ARMCX2: variants seen among roughly 807,000 people sequenced by gnomAD.
ARMCX2 encodes the protein armadillo repeat containing X-linked 2.
Under a neutral mutation model 17.0 loss-of-function variants are expected in ARMCX2, and 2 were observed. That is an observed-to-expected ratio of 0.12 (90% confidence interval 0.05 to 0.37). ARMCX2 has a LOEUF of 0.37. Among genes scored for constraint, ARMCX2 ranks in the 10% least tolerant of loss-of-function variants. The pLI is 1.00. For missense variants in ARMCX2, 408 were observed against 497.7 expected, an observed-to-expected ratio of 0.82 and a Z score of 1.72; for synonymous variants, 182 against 195.2, an observed-to-expected ratio of 0.93 and a Z score of 0.57.
At position 101,657,092 on chromosome X, in the gene ARMCX2, GC is replaced by G; in HGVS notation, c.496del (p.Ala166LeufsTer28). On this transcript the variant is annotated frameshift_variant, in exon 6 of 6. Coordinates refer to ENST00000356824, the MANE Select transcript of ARMCX2 (RefSeq NM_177949.4). LOFTEE classifies it high-confidence loss of function. ...AMAGAPKVAE[A>X]PREAETSRAA... ...CCTGGAAGTCTCCGCTTCTCTGGGA[GC>G]TTCTGCCACTTTGGGAGCCCCTGCC... 8.4e-7 allele frequency: 1 copy of G among 1,197,024 alleles called. No homozygotes were observed. Among genetic ancestry groups the G allele is most frequent in the Non-Finnish European group, 1.1e-6 (1 of 887,756 alleles).
At position 101,656,216 on chromosome X, in the gene ARMCX2, T is replaced by G; in HGVS notation, c.1373A>C (p.Asn458Thr). 8.3e-7 allele frequency: 1 copy of G among 1,210,110 alleles called. No individual in the cohort carries two copies. Among genetic ancestry groups the G allele is most frequent in the Non-Finnish European group, 1.1e-6 (1 of 894,241 alleles). Residue 458 changes from asparagine (N) to threonine (T), a missense_variant, in exon 6 of 6, where the codon AAT becomes ACT. This residue lies in a region of ARMCX2 where 101 missense variants were observed against 170.9 expected (regional missense o/e 0.59). Transcript: ENST00000356824. ...CTGAAGCCGGCCCTGATTTTCATAA[T>G]TCTCACTCAGGTTATTCATGGCCAT... is the stretch of plus-strand genomic sequence containing the variant. ...ALMAMNNLSE[N>T]YENQGRLQVY... is the part of the protein sequence containing the mutation.
intron 5 of ARMCX2, 70 bp downstream of exon 5, chrX:101,658,003 C>T (rs1936395632): frequency 7.5e-6 from 1 of 133,020 alleles, no homozygotes; most frequent in Non-Finnish European, 1.5e-5. Context: ...CAGTAGAGAT[C>T]TCAGATTCTG....
At position 101,655,593 on chromosome X, in the gene ARMCX2, A is replaced by G. The variant is rs1936217206; in HGVS notation, c.*97T>C. 3.0e-6 allele frequency: 2 copies of G among 670,351 alleles called. No homozygotes were observed. The highest frequency in any genetic ancestry group is 8.0e-5 in the South Asian group (2 of 24,956). 55.2% of individuals were successfully genotyped at this position (670,351 alleles called of 1,213,427 possible). A position where few individuals can be genotyped will look rare whatever the true frequency, so the allele number is the denominator to read the frequency against. On this transcript the variant is annotated 3_prime_UTR_variant, in exon 6 of 6. Transcript: ENST00000356824. Reference sequence around the variant, plus strand: ...TGGCAGCTGAAAGGATCCCTTTACTATATGAGCAAGTGGAAAAGCAGTAAC... The same window carrying G: ...TGGCAGCTGAAAGGATCCCTTTACTGTATGAGCAAGTGGAAAAGCAGTAAC...
rs1288580707 is a variant in ARMCX2, at chrX:101,657,639, AG to A, written c.-52del. 3 of 1,121,604 alleles carry A rather than the reference AG, an allele frequency of 2.7e-6. No homozygotes were observed. Among genetic ancestry groups the A allele is most frequent in the Non-Finnish European group, 3.6e-6 (3 of 829,885 alleles). 92.4% of individuals were successfully genotyped at this position (1,121,604 alleles called of 1,213,427 possible). On this transcript the variant is annotated 5_prime_UTR_variant, in exon 6 of 6. Transcript: ENST00000356824. ...CCAGGGCGTGGAACTGGATTGCTTA[AG>A]GTTAAGGGATGCCTGCTCGTCCGGG...
chrX:101,658,562 A>G (rs782605855), intron 3 of ARMCX2, 37 bp from the exon 4 acceptor site: 1 of 112,261 alleles, frequency 8.9e-6, no homozygotes, highest in Non-Finnish European at 1.9e-5. Flanking sequence ...ACGTTAGACA[A>G]TGAAAGCCTG....
In ARMCX2 at chrX:101,657,360, C is replaced by T. The variant is rs782307728; in HGVS notation, c.229G>A (p.Ala77Thr). 1 of 1,210,700 alleles carries T rather than the reference C, an allele frequency of 8.3e-7. No individual in the cohort carries two copies. Among genetic ancestry groups the T allele is most frequent in the Non-Finnish European group, 1.1e-6 (1 of 895,211 alleles). Residue 77 changes from alanine to threonine, a missense_variant, in exon 6 of 6, where the codon GCT (alanine) becomes ACT (threonine). Physicochemically the swap from Ala to Thr is moderately conservative, Grantham distance 58. Transcript: ENST00000356824. ...TCCTGGGCCCTGTCCTCTGCTTCAG[C>T]ACGGACTGGGGTTGGGGGACTGAAT... ...SGFSPPTPVR[A>T]EAEDRAQDEA... is the part of the protein sequence containing the mutation.
intron 4 of ARMCX2, 59 bp from the exon 5 acceptor site, chrX:101,658,201 T>C (rs1189555470): frequency 1.8e-5 from 2 of 112,128 alleles, no homozygotes; most frequent in African/African-American, 6.5e-5. Flanking sequence ...CTGGTTCTTT[T>C]CCTGATTTGG....
chrX:101,655,597 G>A lies in ARMCX2; in HGVS notation c.*93C>T. 1.4e-6 allele frequency: 1 copy of A among 696,396 alleles called. No homozygotes were observed. The highest frequency in any genetic ancestry group is 2.1e-6 in the Non-Finnish European group (1 of 479,413). The allele number at this position is 696,396 out of a possible 1,213,427, so 57.4% of individuals were successfully genotyped here. ...AGCTGAAAGGATCCCTTTACTATAT[G>A]AGCAAGTGGAAAAGCAGTAACTTTC... On this transcript the variant is annotated 3_prime_UTR_variant, in exon 6 of 6. Transcript: ENST00000356824.
chrX:101,655,570 G>T lies in ARMCX2; in HGVS notation c.*120C>A. ...CTGGATGATACATTATTCAACACTGGCAGCTGAAAGGATCCCTTTACTATA... is the reference window on the plus strand; with the variant it reads ...CTGGATGATACATTATTCAACACTGTCAGCTGAAAGGATCCCTTTACTATA... On this transcript the variant is annotated 3_prime_UTR_variant, in exon 6 of 6. Transcript: ENST00000356824. The T allele has an allele frequency of 2.0e-6, 1 of 510,170 alleles. No homozygotes were observed. The highest frequency in any genetic ancestry group is 3.1e-6 in the Non-Finnish European group (1 of 324,393). 42.0% of individuals were successfully genotyped at this position (510,170 alleles called of 1,213,427 possible). A position where few individuals can be genotyped will look rare whatever the true frequency, so the allele number is the denominator to read the frequency against.
chrX:101,657,669 G>A lies in ARMCX2; in HGVS notation c.-81C>T, dbSNP rs1936374050. The A allele has an allele frequency of 1.0e-6, 1 of 999,538 alleles. No individual in the cohort carries two copies. Among genetic ancestry groups the A allele is most frequent in the African/African-American group, 1.9e-5 (1 of 52,542 alleles). 82.4% of individuals were successfully genotyped at this position (999,538 alleles called of 1,213,427 possible). A position where few individuals can be genotyped will look rare whatever the true frequency, so the allele number is the denominator to read the frequency against. ...AAGGGATGCCTGCTCGTCCGGGTGA[G>A]GCTCTTCAGTTTAGGCTTACAAGTT... On this transcript the variant is annotated 5_prime_UTR_variant, in exon 6 of 6. Coordinates refer to ENST00000356824, the MANE Select transcript of ARMCX2 (RefSeq NM_177949.4).
At chrX:101,659,596 C>T (rs1036622517) in intron 1 of ARMCX2, 95 bp from the exon 2 acceptor site, 1 of 110,856 alleles carries the variant, frequency 9.0e-6, no homozygotes, top group Non-Finnish European at 1.9e-5. Context: ...TTTCCCCCTC[C>T]CCCTTTCCCC....
rs140139937 is a variant in ARMCX2 at position 101,656,909 on chromosome X, G to A, written c.680C>T (p.Thr227Ile). The part of the protein sequence containing the change: ...AAEAPVPATP[T>I]GAAAPTGAAE... ...AGCCCCAGTAGGTGCTGCAGCCCCA[G>A]TAGGCGTTGCCGGCACAGGAGCCTC... The change falls in exon 6 of 6, where the codon ACT becomes ATT. Residue 227 changes from threonine to isoleucine, a missense_variant. By Grantham distance (89) the Thr-to-Ile change is moderately conservative. Coordinates refer to ENST00000356824, the MANE Select transcript of ARMCX2 (RefSeq NM_177949.4). 7.7e-5 allele frequency: 93 copies of A among 1,208,787 alleles called. No homozygotes were observed. The East Asian group carries it at 1.8e-3, about 24-fold the overall frequency.
At chrX:101,658,651 A>G (rs1936443797) in intron 3 of ARMCX2, 126 bp from the exon 4 acceptor site, 1 of 110,935 alleles carries the variant, frequency 9.0e-6, no homozygotes, top group African/African-American at 3.3e-5. Flanking sequence ...AAATGATTCT[A>G]CCTCTCAATT....
chrX:101,656,730 T>C lies in ARMCX2; in HGVS notation c.859A>G (p.Thr287Ala), dbSNP rs782298480. Residue 287 changes from threonine (T) to alanine (A), a missense_variant, in exon 6 of 6, where the codon ACC (threonine) becomes GCC (alanine). Physicochemically the swap from Thr to Ala is moderately conservative, Grantham distance 58. This residue lies in a region of ARMCX2 where 307 missense variants were observed against 326.8 expected (regional missense o/e 0.94). Coordinates refer to ENST00000356824, the MANE Select transcript of ARMCX2 (RefSeq NM_177949.4). ...CCCTTGCCCCCATTCCGGGACCTGG[T>C]TACACCCTTGCCTCCACCTTTGGGT... ...AVPKGGGKGV[T>A]RSRNGGKGKG... 1.2e-5 allele frequency: 14 copies of C among 1,209,220 alleles called. No homozygotes were observed. The highest frequency in any genetic ancestry group is 1.6e-5 in the Non-Finnish European group (14 of 894,977).
chrX:101,655,801 A>G lies in ARMCX2; in HGVS notation c.1788T>C (p.Leu596=), dbSNP rs782075172. ...FNYREFNKGS[L]FYLCTTSGVC... ...CTCCAGATGTAGTGCATAAGTAAAA[A>G]AGGGAACCTTTATTGAATTCTCTAT... is the stretch of plus-strand genomic sequence containing the variant. The change falls in exon 6 of 6, where the codon CTT becomes CTC. Residue 596 remains leucine, a synonymous_variant. Transcript: ENST00000356824. 65 of 1,200,766 alleles carry G rather than the reference A, an allele frequency of 5.4e-5. No individual in the cohort carries two copies. The highest frequency in any genetic ancestry group is 7.1e-5 in the Non-Finnish European group (63 of 890,864).
Position 101,656,535 on chromosome X carries a change from A to G in ARMCX2, c.1054T>C (p.Ser352Pro). 8.3e-7 allele frequency: 1 copy of G among 1,210,323 alleles called. No homozygotes were observed. Among genetic ancestry groups the G allele is most frequent in the South Asian group, 1.8e-5 (1 of 56,868 alleles). ...ESGWTDTESD[S>P]DSEPETQRRG... ...CGCTGGGTCTCGGGCTCAGAGTCTG[A>G]ATCTGACTCTGTGTCAGTCCACCCG... Residue 352 changes from serine to proline, a missense_variant, in exon 6 of 6, where the codon TCA becomes CCA. This residue lies in a region of ARMCX2 where 307 missense variants were observed against 326.8 expected (regional missense o/e 0.94). Transcript: ENST00000356824.
rs1173101991 is a variant in ARMCX2, at chrX:101,656,392, A to G, written c.1197T>C (p.Asp399=). The G allele has an allele frequency of 8.3e-7, 1 of 1,211,453 alleles. No homozygotes were observed. Among genetic ancestry groups the G allele is most frequent in the East Asian group, 3.0e-5 (1 of 33,813 alleles). The change falls in exon 6 of 6, where the codon GAT becomes GAC. Residue 399 remains aspartate (D), a synonymous_variant. Transcript: ENST00000356824. ...AAGCTACCTGTTGGATGAAAGGATCATCAGATTTCTGAAGCAAGGCAAGGA... is the reference window on the plus strand; with the variant it reads ...AAGCTACCTGTTGGATGAAAGGATCGTCAGATTTCTGAAGCAAGGCAAGGA... ...RKVLALLQKS[D]DPFIQQVALL...
intron 3 of ARMCX2, among the ~76,000 whole-genome samples, chrX:101,658,820 C>T (rs1399996385): frequency 9.0e-6 from 1 of 110,815 alleles, no homozygotes; most frequent in Admixed American, 9.5e-5. Context: ...GGGAGGGGAG[C>T]GGGGCGAGGG....
At position 101,656,684 on chromosome X, in the gene ARMCX2, A is replaced by G; in HGVS notation, c.905T>C (p.Val302Ala). The G allele has an allele frequency of 8.3e-7, 1 of 1,210,795 alleles. No individual in the cohort carries two copies. The highest frequency in any genetic ancestry group is 3.0e-5 in the East Asian group (1 of 33,776). Residue 302 changes from valine to alanine, a missense_variant, in exon 6 of 6, where the codon GTT becomes GCT. Physicochemically the swap from Val to Ala is moderately conservative, Grantham distance 64 (BLOSUM62 0). This residue lies in a region of ARMCX2 where 307 missense variants were observed against 326.8 expected (regional missense o/e 0.94). Coordinates refer to ENST00000356824, the MANE Select transcript of ARMCX2 (RefSeq NM_177949.4). ...GCCCATCCCCAGTTCGTCTACTTCA[A>G]CTTTGCTTTTCTTGCCCTTGCCCTT... ...GGKGKGKKSK[V>A]EVDELGMGFR...
Sources: allele counts gnomAD v4.1 joint callset (sites outside exome capture counted in the v4.1 genomes callset), GRCh38; gene constraint gnomAD v4.1.1; regional missense constraint gnomAD v4.1.1; transcripts MANE v1.5; gene names NCBI Gene and HGNC (gene_info 2026-07-23, HGNC 2026-07-21).